WSCD2: variants seen among roughly 807,000 people sequenced by gnomAD.
The protein encoded by WSCD2 is sialate:O-sulfotransferase 2.
A neutral mutation model predicts 55.7 loss-of-function variants in WSCD2; 28 were observed. The ratio of observed to expected loss-of-function variants is 0.50; its 90% CI spans 0.37 to 0.69. The LOEUF (loss-of-function observed/expected upper bound fraction) is 0.69, where lower values mean the gene tolerates loss of function less well. Ranked by LOEUF, WSCD2 falls within the 30% of genes least tolerant of loss-of-function variation. The pLI is 0.00. For missense variants in WSCD2, 616 were observed against 762.1 expected (o/e 0.81, Z 2.26); for synonymous variants, 301 against 301.9 (o/e 1.00, Z 0.03).
At chr12:108,130,475 GGTGTGTGTGTGTGTGTGTGTGTGT>G (rs559546028) in intron 1 of WSCD2, among the ~76,000 whole-genome samples, 1 of 134,418 alleles carries the variant, frequency 7.4e-6, no homozygotes, top group Non-Finnish European at 1.6e-5. Context: ...TCCATTCTGG[GGTGTGTGTGTGTGTGTGTGTGTGT>G]GTGTGTGTGT....
chr12:108,144,154 T>A lies in WSCD2; in HGVS notation c.-552+14228T>A, dbSNP rs567805884. 2.0e-5 allele frequency among the ~76,000 whole-genome samples: 3 copies of A among 152,242 alleles called. No homozygotes were observed. In the East Asian group the frequency reaches 5.8e-4, roughly 29 times the overall value. ...TGTCTGTGAGCCCTGTTGGACCACT[T>A]CTTGTAAAGCCAAGTCTCCTCAGCA... is the stretch of plus-strand genomic sequence containing the variant. On this transcript the variant is annotated intron_variant, in intron 1 of 8. Coordinates refer to ENST00000547525, the MANE Select transcript of WSCD2 (RefSeq NM_014653.4).
chr12:108,204,323 C>T (rs1449856488), intron 2 of WSCD2, among the ~76,000 whole-genome samples: 1 of 152,102 alleles, frequency 6.6e-6, no homozygotes, highest in Non-Finnish European at 1.5e-5. Context: ...CCCTCTCTTC[C>T]CTTCCCTCTC....
chr12:108,145,995 C>T (rs532727058), intron 1 of WSCD2, among the ~76,000 whole-genome samples: 2 of 152,276 alleles, frequency 1.3e-5, no homozygotes, highest in Admixed American at 1.3e-4. Context: ...TTACCACCAT[C>T]GTCCTGAAGG....
chr12:108,161,385 C>A (rs1271386376), intron 1 of WSCD2, among the ~76,000 whole-genome samples: 1 of 152,112 alleles, frequency 6.6e-6, no homozygotes, highest in Non-Finnish European at 1.5e-5. Flanking sequence ...GGCCCCTAAT[C>A]CAATGTGACT....
intron 4 of WSCD2, among the ~76,000 whole-genome samples, chr12:108,216,855 C>A (rs1480827683): frequency 6.6e-6 from 1 of 152,222 alleles, no homozygotes; most frequent in Non-Finnish European, 1.5e-5. Context: ...CCTGGCAGGC[C>A]CAGCCTGTCC....
chr12:108,192,523 C>T (rs534295643), intron 1 of WSCD2, among the ~76,000 whole-genome samples: 163 of 152,286 alleles, frequency 1.1e-3, no homozygotes, highest in Non-Finnish European at 2.1e-3. Context: ...CGTGTTGGCA[C>T]GACCATGAAA....
chr12:108,248,546 A>C lies in WSCD2; in HGVS notation c.*203A>C. ...GCCCAGGCACTACCACTCTGCTCAC[A>C]TGTTCCCCCCTTGGCAATGTGGGGC... On this transcript the variant is annotated 3_prime_UTR_variant, in exon 9 of 9. Transcript: ENST00000547525. This position sits in a 1 kb window ranked among gnomAD's most constrained non-coding sequence, Gnocchi z 4.3. 7.2e-7 allele frequency: 1 copy of C among 1,390,892 alleles called. No individual in the cohort carries two copies. The highest frequency in any genetic ancestry group is 9.3e-7 in the Non-Finnish European group (1 of 1,074,464). 86.2% of individuals were successfully genotyped at this position (1,390,892 alleles called of 1,614,324 possible).
chr12:108,174,925 C>T (rs1880632584), intron 1 of WSCD2, among the ~76,000 whole-genome samples: 1 of 152,208 alleles, frequency 6.6e-6, no homozygotes, highest in Non-Finnish European at 1.5e-5. Flanking sequence ...GCTCCGCCTC[C>T]TTGAGCTTCT....
At chr12:108,234,280 T>A (rs1477636941) in intron 7 of WSCD2, among the ~76,000 whole-genome samples, 1 of 152,212 alleles carries the variant, frequency 6.6e-6, no homozygotes. Context: ...CAGGCACAGC[T>A]TGGTGCTGAT....
At chr12:108,142,972 G>A (rs1253346696) in intron 1 of WSCD2, among the ~76,000 whole-genome samples, 1 of 152,086 alleles carries the variant, frequency 6.6e-6, no homozygotes, top group South Asian at 2.1e-4. Flanking sequence ...CACTGTGCCC[G>A]GCTAATTTTT....
At chr12:108,164,139 C>CT (rs1555224800) in intron 1 of WSCD2, among the ~76,000 whole-genome samples, 1 of 85,312 alleles carries the variant, frequency 1.2e-5, no homozygotes, top group Non-Finnish European at 2.2e-5. Flanking sequence ...ATCTTAAATC[C>CT]TTTTTTTTTT....
chr12:108,232,626 T>A, intron 6 of WSCD2, 105 bp from the exon 7 acceptor site: 1 of 1,168,820 alleles, frequency 8.6e-7, no homozygotes, highest in Non-Finnish European at 1.2e-6. Flanking sequence ...GTGCCCTTGA[T>A]CACCTGGCTG....
chr12:108,240,591 G>T (rs772570506), intron 8 of WSCD2, 47 bp downstream of exon 8: 1 of 1,176,014 alleles, frequency 8.5e-7, no homozygotes, highest in South Asian at 1.4e-5. Flanking sequence ...GCTTCGGGCT[G>T]CAGGGGGCGG....
chr12:108,217,641 C>T (rs548586565), intron 4 of WSCD2, among the ~76,000 whole-genome samples: 17 of 152,116 alleles, frequency 1.1e-4, no homozygotes, highest in Non-Finnish European at 1.9e-4. Flanking sequence ...GACTTCACAC[C>T]GTTTCCCCAC....
At chr12:108,236,964 G>A (rs574936786) in intron 7 of WSCD2, among the ~76,000 whole-genome samples, 1 of 152,342 alleles carries the variant, frequency 6.6e-6, no homozygotes, top group East Asian at 1.9e-4. Flanking sequence ...AGGGGAGACA[G>A]AAGAGGGAAG....
At position 108,195,837 on chromosome 12, in the gene WSCD2, C is replaced by A. The variant is rs554792143; in HGVS notation, c.5C>A (p.Ala2Asp). M[A>D]KLWFKFQRYF... ...CCAGTCCGGAATGATCCCACTATGGCCAAGCTCTGGTTCAAATTCCAGCGG... is the reference window on the plus strand; with the variant it reads ...CCAGTCCGGAATGATCCCACTATGGACAAGCTCTGGTTCAAATTCCAGCGG... The change falls in exon 2 of 9, where the codon GCC (alanine) becomes GAC (aspartate). Residue 2 changes from alanine to aspartate, a missense_variant. Ala to Asp is a moderately radical substitution (Grantham distance 126, BLOSUM62 -2). This residue lies in a region of WSCD2 where 374 missense variants were observed against 467.4 expected (regional missense o/e 0.80). Coordinates refer to ENST00000547525, the MANE Select transcript of WSCD2 (RefSeq NM_014653.4). 2.5e-6 allele frequency: 4 copies of A among 1,608,342 alleles called. No individual in the cohort carries two copies. In the South Asian group the frequency reaches 4.5e-5, roughly 18 times the overall value.
intron 7 of WSCD2, among the ~76,000 whole-genome samples, chr12:108,236,776 C>T (rs977137314): frequency 6.6e-5 from 10 of 152,082 alleles, no homozygotes; most frequent in Non-Finnish European, 1.5e-4. Flanking sequence ...GCCTTCTCCC[C>T]GACTTTGTCT....
intron 1 of WSCD2, among the ~76,000 whole-genome samples, chr12:108,156,480 T>C (rs1878523811): frequency 6.6e-6 from 1 of 152,162 alleles, no homozygotes; most frequent in Admixed American, 6.5e-5. Context: ...GACCCAGTAG[T>C]AGAGGGATGA....
At chr12:108,212,896 A>G (rs1418401959) in intron 4 of WSCD2, among the ~76,000 whole-genome samples, 1 of 152,158 alleles carries the variant, frequency 6.6e-6, no homozygotes, top group Non-Finnish European at 1.5e-5. Flanking sequence ...GTTGTTCCGA[A>G]TCATCGCCAT....
Sources: allele counts gnomAD v4.1 joint callset (sites outside exome capture counted in the v4.1 genomes callset), GRCh38; gene constraint gnomAD v4.1.1; regional missense constraint gnomAD v4.1.1; non-coding constraint Gnocchi (gnomAD v3.1); transcripts MANE v1.5; gene names NCBI Gene and HGNC (gene_info 2026-07-23, HGNC 2026-07-21).